The following VAV3 variants were observed in gnomAD, a reference collection of about 807,000 sequenced individuals.
VAV3 encodes vav guanine nucleotide exchange factor 3.
VAV3 carries 94 observed loss-of-function variants against 131.2 expected under a neutral mutation model. The ratio of observed to expected loss-of-function variants is 0.72; its 90% CI spans 0.61 to 0.85. VAV3 has a LOEUF of 0.85. Ranked by LOEUF, VAV3 falls within the 40% of genes least tolerant of loss-of-function variation. The pLI, the probability that VAV3 is intolerant of heterozygous loss-of-function variation, is 0.00. For synonymous variants in VAV3, 349 were observed against 342.0 expected, an observed-to-expected ratio of 1.02 and a Z score of -0.22; for missense variants, 939 against 1,002.7, an observed-to-expected ratio of 0.94 and a Z score of 0.86.
At chr1:107,588,288 T>A (rs141457272) in intron 25 of VAV3, among the ~76,000 whole-genome samples, 4 of 152,364 alleles carry the variant, frequency 2.6e-5, no homozygotes, top group African/African-American at 9.6e-5. Context: ...TATAAAAATG[T>A]CAGCAATATG....
Position 107,888,012 on chromosome 1 carries a change from G to T in VAV3, c.205-12995C>A, listed in dbSNP as rs537775622. On this transcript the variant is annotated intron_variant, in intron 1 of 26. Coordinates refer to ENST00000370056, the MANE Select transcript of VAV3 (RefSeq NM_006113.5). ...GGTTCTATCCAAAAATTTGGGGGGG[G>T]GGTTATTTTGTAAAGTATCTTTAAG... 1.2e-4 allele frequency among the ~76,000 whole-genome samples: 18 copies of T among 151,506 alleles called. No homozygotes were observed. In the East Asian group the frequency reaches 1.9e-3, roughly 16 times the overall value.
chr1:107,801,995 T>C (rs1666851517), intron 2 of VAV3, among the ~76,000 whole-genome samples: 1 of 152,108 alleles, frequency 6.6e-6, no homozygotes, highest in Non-Finnish European at 1.5e-5. Context: ...GTGCAGAACA[T>C]GGAGTTTTGT....
chr1:107,909,944 A>G (rs1672290687), intron 1 of VAV3, among the ~76,000 whole-genome samples: 1 of 152,238 alleles, frequency 6.6e-6, no homozygotes, highest in Admixed American at 6.5e-5. Context: ...AATGAAATTA[A>G]GAAGTGGCAG....
chr1:107,783,892 CAAAAAAA>C (rs55821232), intron 2 of VAV3, among the ~76,000 whole-genome samples: 1 of 107,960 alleles, frequency 9.3e-6, no homozygotes, highest in Non-Finnish European at 1.9e-5. Flanking sequence ...ACTAAAAATA[CAAAAAAA>C]AAAAAAAAAA....
chr1:107,922,110 T>C (rs892640847), intron 1 of VAV3, among the ~76,000 whole-genome samples: 1 of 152,102 alleles, frequency 6.6e-6, no homozygotes, highest in African/African-American at 2.4e-5. Context: ...AAACAACCAG[T>C]CCCTCATATA....
At chr1:107,746,896 T>TC (rs1255697450) in intron 15 of VAV3, among the ~76,000 whole-genome samples, 2 of 140,020 alleles carry the variant, frequency 1.4e-5, no homozygotes, top group Non-Finnish European at 3.1e-5. Context: ...TTTTTTTTTT[T>TC]CAAGACGGAG....
intron 25 of VAV3, among the ~76,000 whole-genome samples, chr1:107,581,591 A>T (rs1650057915): frequency 6.6e-6 from 1 of 152,256 alleles, no homozygotes; most frequent in African/African-American, 2.4e-5. Flanking sequence ...AGTGGTTATT[A>T]TTCAGTTCTG....
At chr1:107,932,648 G>T (rs532060361) in intron 1 of VAV3, among the ~76,000 whole-genome samples, 1 of 152,258 alleles carries the variant, frequency 6.6e-6, no homozygotes, top group South Asian at 2.1e-4. Flanking sequence ...AGATAGGGAG[G>T]TTATACTGGA....
rs72971552 is a variant in VAV3, at chr1:107,597,719, G to A, written c.2221-1378C>T. ...CCTTTCATAAGCTAAAAGCAGCATA[G>A]TTTGGCTAAAGCATTGGATAAGGGA... On this transcript the variant is annotated intron_variant, in intron 24 of 26. Transcript: ENST00000370056. 4.6e-3 allele frequency among the ~76,000 whole-genome samples: 704 copies of A among 152,294 alleles called. 8 individuals carry two copies. The highest frequency in any genetic ancestry group is 0.016 in the African/African-American group (672 of 41,564).
chr1:107,792,425 A>G (rs529674069), intron 2 of VAV3, among the ~76,000 whole-genome samples: 12 of 152,184 alleles, frequency 7.9e-5, no homozygotes, highest in African/African-American at 2.9e-4. Context: ...CTCCCACCTC[A>G]GGCTCCTCAG....
chr1:107,935,026 C>A (rs1673639275), intron 1 of VAV3, among the ~76,000 whole-genome samples: 1 of 152,176 alleles, frequency 6.6e-6, no homozygotes, highest in Admixed American at 6.5e-5. Flanking sequence ...AATATATTCA[C>A]CTCCCACAGA....
chr1:107,802,883 G>GT (rs200786279), intron 2 of VAV3, among the ~76,000 whole-genome samples: 26,927 of 142,228 alleles, frequency 0.19, 2,697 homozygotes, highest in South Asian at 0.38. Flanking sequence ...TTCCTCTTCA[G>GT]TTTTTTTTTT....
At chr1:107,926,882 C>T (rs987836921) in intron 1 of VAV3, among the ~76,000 whole-genome samples, 2 of 152,138 alleles carry the variant, frequency 1.3e-5, no homozygotes, top group African/African-American at 4.8e-5. Context: ...ACAGGGATTG[C>T]AACTCCTAGG....
chr1:107,877,030 C>T (rs766075603), intron 1 of VAV3, among the ~76,000 whole-genome samples: 2 of 151,976 alleles, frequency 1.3e-5, no homozygotes, highest in Non-Finnish European at 2.9e-5. Flanking sequence ...ATAGGCTTAA[C>T]TTAGACACAC....
At chr1:107,876,833 G>GA (rs977713511) in intron 1 of VAV3, among the ~76,000 whole-genome samples, 2 of 151,926 alleles carry the variant, frequency 1.3e-5, no homozygotes, top group Admixed American at 6.6e-5. Flanking sequence ...TAAAAAAATG[G>GA]AAAAAAACCT....
intron 9 of VAV3, among the ~76,000 whole-genome samples, chr1:107,763,754 G>A (rs1284281537): frequency 2.6e-5 from 4 of 152,140 alleles, no homozygotes; most frequent in African/African-American, 4.8e-5. Flanking sequence ...GCCTGTTAAC[G>A]TGCAAACTGT....
At chr1:107,923,701 CACTT>C (rs1245562974) in intron 1 of VAV3, among the ~76,000 whole-genome samples, 7 of 152,084 alleles carry the variant, frequency 4.6e-5, no homozygotes, top group African/African-American at 1.7e-4. Context: ...CATGATAACT[CACTT>C]ACTATCATGA....
At chr1:107,908,898 A>G (rs911112089) in intron 1 of VAV3, among the ~76,000 whole-genome samples, 4 of 150,286 alleles carry the variant, frequency 2.7e-5, no homozygotes, top group African/African-American at 9.8e-5. Flanking sequence ...TTCTGGAAGC[A>G]TTCAGTATAG....
chr1:107,793,502 C>T (rs1042214489), intron 2 of VAV3, among the ~76,000 whole-genome samples: 3 of 152,098 alleles, frequency 2.0e-5, no homozygotes, highest in South Asian at 2.1e-4. Context: ...CTGCAGTATC[C>T]GCAGCACCTA....
Sources: allele counts gnomAD v4.1 joint callset (sites outside exome capture counted in the v4.1 genomes callset), GRCh38; gene constraint gnomAD v4.1.1; transcripts MANE v1.5; gene names NCBI Gene and HGNC (gene_info 2026-07-23, HGNC 2026-07-21).